NFIC: variants seen among roughly 807,000 people sequenced by gnomAD.
NFIC encodes nuclear factor 1 C-type.
NFIC carries 12 observed loss-of-function variants against 54.4 expected under a neutral mutation model. The ratio of observed to expected loss-of-function variants is 0.22; its 90% CI spans 0.14 to 0.36. The LOEUF is 0.36. NFIC is among the 10% of genes least tolerant of loss of function. The probability of loss-of-function intolerance (pLI) is 1.00; values close to 1 mark genes in which losing one functional copy is unlikely to be tolerated. For synonymous variants in NFIC, 322 were observed against 319.2 expected (o/e 1.01, Z -0.09); for missense variants, 575 against 718.2 (o/e 0.80, Z 2.28).
At chr19:3,391,048 G>A (rs1414913216) in intron 2 of NFIC, among the ~76,000 whole-genome samples, 4 of 152,088 alleles carry the variant, frequency 2.6e-5, no homozygotes, top group Admixed American at 1.3e-4. Flanking sequence ...CCAGGAGTTC[G>A]AGACCAGCCT....
chr19:3,429,616 G>A (rs980937664), intron 3 of NFIC, among the ~76,000 whole-genome samples: 1 of 152,048 alleles, frequency 6.6e-6, no homozygotes, highest in Non-Finnish European at 1.5e-5. Flanking sequence ...GTAACAGGGG[G>A]ACTGGCGGGG....
intron 2 of NFIC, among the ~76,000 whole-genome samples, chr19:3,387,736 C>T (rs1023858594): frequency 6.7e-6 from 1 of 150,362 alleles, no homozygotes; most frequent in African/African-American, 2.5e-5. Flanking sequence ...ATGGAGCTGG[C>T]TGGGATGTTC....
chr19:3,433,090 G>A (rs1355875308), intron 3 of NFIC, among the ~76,000 whole-genome samples: 1 of 151,920 alleles, frequency 6.6e-6, no homozygotes, highest in Non-Finnish European at 1.5e-5. Flanking sequence ...TCAGCCTCCT[G>A]AGTAGCTGGG....
Position 3,386,004 on chromosome 19 carries a change from GC to G in NFIC, c.562+3764del, listed in dbSNP as rs2081290403. ...TTACAGGCGTGACCCCCTGCGCCCG[GC>G]CCATCCTCCTCATTCTGATTATAAT... On this transcript the variant is annotated intron_variant, in intron 2 of 10. Coordinates refer to ENST00000443272, the MANE Select transcript of NFIC (RefSeq NM_001245002.2). 2.6e-5 allele frequency among the ~76,000 whole-genome samples: 4 copies of G among 151,646 alleles called. No homozygotes were observed. The Middle Eastern group carries it at 0.01, about 387-fold the overall frequency.
intron 6 of NFIC, among the ~76,000 whole-genome samples, chr19:3,444,070 G>A (rs1432152467): frequency 6.6e-6 from 1 of 150,520 alleles, no homozygotes; most frequent in African/African-American, 2.4e-5. Context: ...CAAACAAATG[G>A]CTGCTCCGAC....
chr19:3,394,519 A>ACACCCCCCCCCCCC lies in NFIC; in HGVS notation c.562+12277_562+12278insACCCCCCCCCCCCC, dbSNP rs1555744611. ...CGAGGTATTTTATGATCTTTTCCCC[A>ACACCCCCCCCCCCC]CCCACCCCCCACCCGCTTACACTAA... On this transcript the variant is annotated intron_variant, in intron 2 of 10. Transcript: ENST00000443272. Among the ~76,000 whole-genome samples, 3 of 47,314 alleles carry ACACCCCCCCCCCCC rather than the reference A, an allele frequency of 6.3e-5. 1 individual carries two copies. The highest frequency in any genetic ancestry group is 4.1e-4 in the African/African-American group (3 of 7,320). The allele number at this position is 47,314 out of a possible 152,430, so 31.0% of individuals were successfully genotyped here.
Position 3,464,021 on chromosome 19 carries a change from C to G in NFIC, c.*1252C>G. 1.0e-6 allele frequency: 1 copy of G among 985,388 alleles called. No individual in the cohort carries two copies. Among genetic ancestry groups the G allele is most frequent in the South Asian group, 4.7e-5 (1 of 21,286 alleles). 61.0% of individuals were successfully genotyped at this position (985,388 alleles called of 1,614,324 possible). A position where few individuals can be genotyped will look rare whatever the true frequency, so the allele number is the denominator to read the frequency against. ...CGAGGGGCAGAGCTGGGCGTCACTTCGCAAGCGTCCTGCCCTGCCGGGGCG... is the reference window on the plus strand; with the variant it reads ...CGAGGGGCAGAGCTGGGCGTCACTTGGCAAGCGTCCTGCCCTGCCGGGGCG... On this transcript the variant is annotated 3_prime_UTR_variant, in exon 11 of 11. Transcript: ENST00000443272.
rs1245305334 is a variant in NFIC, at chr19:3,381,803, A to T, written c.122A>T (p.Tyr41Phe). ...WFNLQARKRK[Y>F]FKKHEKRMSK... ...AACCTGCAGGCGCGGAAGCGCAAGTACTTCAAGAAGCACGAGAAGCGGATG... is the reference window on the plus strand; with the variant it reads ...AACCTGCAGGCGCGGAAGCGCAAGTTCTTCAAGAAGCACGAGAAGCGGATG... The change falls in exon 2 of 11, where the codon TAC (tyrosine) becomes TTC (phenylalanine). Residue 41 changes from tyrosine to phenylalanine, a missense_variant. By Grantham distance (22) the Tyr-to-Phe change is conservative (BLOSUM62 3). Around this residue, in one of 3 missense-constraint regions of NFIC, gnomAD observed 122 missense variants for 158.0 expected, o/e 0.77. Transcript: ENST00000443272. The T allele has an allele frequency of 6.2e-7, 1 of 1,613,988 alleles. No homozygotes were observed.
At chr19:3,394,519 A>C (rs573738239) in intron 2 of NFIC, among the ~76,000 whole-genome samples, 6,509 of 46,058 alleles carry the variant, frequency 0.14, 26 homozygotes, top group East Asian at 0.15. Flanking sequence ...TCTTTTCCCC[A>C]CCCACCCCCC....
chr19:3,432,144 A>G (rs149043188), intron 3 of NFIC, among the ~76,000 whole-genome samples: 3 of 152,254 alleles, frequency 2.0e-5, no homozygotes, highest in Non-Finnish European at 4.4e-5. Context: ...GCTGTCCCCA[A>G]GCTGTCTGAG....
At chr19:3,430,744 C>T (rs924985004) in intron 3 of NFIC, among the ~76,000 whole-genome samples, 1 of 151,808 alleles carries the variant, frequency 6.6e-6, no homozygotes, top group Non-Finnish European at 1.5e-5. Context: ...CCAGCCGGAC[C>T]AAGATGGTGA....
intron 1 of NFIC, among the ~76,000 whole-genome samples, chr19:3,381,156 C>T (rs929978555): frequency 7.9e-5 from 12 of 151,976 alleles, no homozygotes; most frequent in Non-Finnish European, 1.5e-4. Context: ...TTGGGGAGGC[C>T]GAGAGCCGAG....
At chr19:3,371,324 T>G (rs1299660013) in intron 1 of NFIC, 5 of 134,416 alleles carry the variant, frequency 3.7e-5, no homozygotes, top group African/African-American at 1.8e-4. Context: ...CAGCACAATT[T>G]TTTTTTTTTT....
chr19:3,389,964 A>G (rs2081353392), intron 2 of NFIC, among the ~76,000 whole-genome samples: 1 of 152,250 alleles, frequency 6.6e-6, no homozygotes, highest in African/African-American at 2.4e-5. Flanking sequence ...AGCCTGGGCA[A>G]CAAGAGTGAA....
chr19:3,446,786 C>A (rs2082379211), intron 6 of NFIC, among the ~76,000 whole-genome samples: 1 of 152,060 alleles, frequency 6.6e-6, no homozygotes, highest in South Asian at 2.1e-4. Context: ...AATCCCAGCA[C>A]TTTGAGAGAC....
chr19:3,434,153 C>G, intron 4 of NFIC, 124 bp from the exon 5 acceptor site: 2 of 1,417,370 alleles, frequency 1.4e-6, no homozygotes, highest in Admixed American at 2.3e-5. Flanking sequence ...ACCCTAGGAA[C>G]CGGGCCAATA....
chr19:3,420,769 T>C (rs539261136), intron 2 of NFIC, among the ~76,000 whole-genome samples: 6 of 151,838 alleles, frequency 4.0e-5, no homozygotes, highest in South Asian at 2.1e-4. Flanking sequence ...TCGCCCAGAC[T>C]AGAGTGCAAT....
chr19:3,467,698 C>G lies in NFIC; in HGVS notation c.*4929C>G, dbSNP rs980538934. 2 of 147,234 alleles carry G rather than the reference C, an allele frequency of 1.4e-5. No individual in the cohort carries two copies. Among genetic ancestry groups the G allele is most frequent in the African/African-American group, 5.1e-5 (2 of 38,972 alleles). 9.1% of individuals were successfully genotyped at this position (147,234 alleles called of 1,614,324 possible). ...CCTCCAGAAGAGACAGCAAGCAGCC[C>G]CCCTACCCACTCTGGCCTCCCCAAT... On this transcript the variant is annotated 3_prime_UTR_variant, in exon 11 of 11. Transcript: ENST00000443272.
In NFIC at chr19:3,385,999, G is replaced by A. The variant is rs1342968210; in HGVS notation, c.562+3756G>A. Among the ~76,000 whole-genome samples the A allele has an allele frequency of 4.0e-5, 6 of 151,470 alleles. No homozygotes were observed. The South Asian group carries it at 6.4e-4, about 16-fold the overall frequency. ...CAGGATTACAGGCGTGACCCCCTGC[G>A]CCCGGCCCATCCTCCTCATTCTGAT... On this transcript the variant is annotated intron_variant, in intron 2 of 10. Transcript: ENST00000443272.
Sources: gnomAD v4.1 joint callset for allele counts (sites outside exome capture counted in the v4.1 genomes callset) on GRCh38, gnomAD v4.1.1 for gene constraint, gnomAD v4.1.1 regional missense constraint, MANE v1.5 for transcripts, NCBI Gene and HGNC (gene_info 2026-07-23, HGNC 2026-07-21) for gene names.